LIMD1: variants seen among roughly 807,000 people sequenced by gnomAD.
LIMD1 encodes LIM domain-containing protein 1.
In LIMD1, 23 loss-of-function variants were observed where a neutral mutation model predicts 58.4. That is an observed-to-expected ratio of 0.39 (90% CI 0.28 to 0.56). The LOEUF is 0.56. Among genes scored for constraint, LIMD1 ranks in the 20% least tolerant of loss-of-function variants. The pLI is 0.57. For missense variants in LIMD1, 838 were observed against 855.5 expected (o/e 0.98, Z 0.25); for synonymous variants, 334 against 345.5 (o/e 0.97, Z 0.37).
intron 1 of LIMD1, among the ~76,000 whole-genome samples, chr3:45,635,732 CAAAAAAAAAAAAAA>C (rs71095045): frequency 2.6e-4 from 19 of 73,798 alleles, no homozygotes; most frequent in Non-Finnish European, 2.3e-4. Context: ...ATCCCCGTCT[CAAAAAAAAAAAAAA>C]AAAAAAAAAA....
chr3:45,651,721 C>T (rs949284224), intron 2 of LIMD1, among the ~76,000 whole-genome samples: 1 of 152,072 alleles, frequency 6.6e-6, no homozygotes, highest in Non-Finnish European at 1.5e-5. Context: ...CAACCTCCAC[C>T]TCCCGGGTTC....
chr3:45,599,583 C>T (rs143734859), intron 1 of LIMD1, among the ~76,000 whole-genome samples: 4 of 152,300 alleles, frequency 2.6e-5, no homozygotes, highest in South Asian at 2.1e-4. Context: ...CACTGCACAG[C>T]GTCTTGGCAG....
chr3:45,610,137 T>A (rs1701509591), intron 1 of LIMD1, among the ~76,000 whole-genome samples: 1 of 152,142 alleles, frequency 6.6e-6, no homozygotes, highest in Non-Finnish European at 1.5e-5. Flanking sequence ...TGAGCCGAGA[T>A]TGTGCCACTG....
intron 1 of LIMD1, among the ~76,000 whole-genome samples, chr3:45,600,659 C>T (rs1209678234): frequency 1.3e-5 from 2 of 152,206 alleles, no homozygotes; most frequent in African/African-American, 4.8e-5. Context: ...ACTGCTGACA[C>T]TGCAGAGGTG....
Position 45,594,769 on chromosome 3 carries a change from G to A in LIMD1, c.-111G>A, listed in dbSNP as rs551363577. 162 of 800,262 alleles carry A rather than the reference G, an allele frequency of 2.0e-4. No individual in the cohort carries two copies. In the African/African-American group the frequency reaches 3.3e-3, roughly 16 times the overall value. 49.6% of individuals were successfully genotyped at this position (800,262 alleles called of 1,614,324 possible). Reference sequence around the variant, plus strand: ...CCCGACCCTTCGCCAGCATCTCCCCGCTGCCCTCAACACACACACACACAC... The same window carrying A: ...CCCGACCCTTCGCCAGCATCTCCCCACTGCCCTCAACACACACACACACAC... On this transcript the variant is annotated 5_prime_UTR_variant, in exon 1 of 8. Coordinates refer to ENST00000273317, the MANE Select transcript of LIMD1 (RefSeq NM_014240.3).
intron 1 of LIMD1, among the ~76,000 whole-genome samples, chr3:45,600,159 A>T (rs1701397473): frequency 6.6e-6 from 1 of 152,168 alleles, no homozygotes; most frequent in Non-Finnish European, 1.5e-5. Context: ...CAAACAGAAG[A>T]ATGTTTAATG....
rs188214339 is a variant in LIMD1 at position 45,628,791 on chromosome 3, C to G, written c.1409-7359C>G. On this transcript the variant is annotated intron_variant, in intron 1 of 7. Coordinates refer to ENST00000273317, the MANE Select transcript of LIMD1 (RefSeq NM_014240.3). Reference sequence around the variant, plus strand: ...ATCAACAAGCAAATGGATAAACAAACTAATACATTCATATGGTGGAATACC... The same window carrying G: ...ATCAACAAGCAAATGGATAAACAAAGTAATACATTCATATGGTGGAATACC... Among the ~76,000 whole-genome samples the G allele has an allele frequency of 2.3e-3, 345 of 152,312 alleles. 1 individual carries two copies. Among genetic ancestry groups the G allele is most frequent in the African/African-American group, 8.0e-3 (331 of 41,556 alleles).
At chr3:45,632,911 A>G (rs372217933) in intron 1 of LIMD1, among the ~76,000 whole-genome samples, 3 of 152,338 alleles carry the variant, frequency 2.0e-5, no homozygotes, top group Admixed American at 6.5e-5. Flanking sequence ...AAGGAGCCTT[A>G]AAGATGAGTG....
At chr3:45,617,095 A>G (rs1575347314) in intron 1 of LIMD1, among the ~76,000 whole-genome samples, 1 of 142,900 alleles carries the variant, frequency 7.0e-6, no homozygotes, top group East Asian at 2.1e-4. Context: ...GTGCAGTGGC[A>G]CCATCTCAGC....
intron 1 of LIMD1, among the ~76,000 whole-genome samples, chr3:45,622,976 G>GT (rs1393000202): frequency 6.6e-6 from 1 of 152,078 alleles, no homozygotes; most frequent in Non-Finnish European, 1.5e-5. Flanking sequence ...CCTTTTAAAG[G>GT]TTTTTGATGC....
At chr3:45,607,986 C>G (rs1028561738) in intron 1 of LIMD1, among the ~76,000 whole-genome samples, 32 of 152,334 alleles carry the variant, frequency 2.1e-4, no homozygotes, top group Middle Eastern at 3.4e-3. Flanking sequence ...CCTCCTGCTA[C>G]CTCAGTTTGC....
chr3:45,607,985 A>T (rs1192020256), intron 1 of LIMD1, among the ~76,000 whole-genome samples: 1 of 152,186 alleles, frequency 6.6e-6, no homozygotes, highest in Non-Finnish European at 1.5e-5. Context: ...CCCTCCTGCT[A>T]CCTCAGTTTG....
intron 2 of LIMD1, among the ~76,000 whole-genome samples, chr3:45,647,199 T>C (rs1053462621): frequency 6.6e-6 from 1 of 152,222 alleles, no homozygotes; most frequent in Admixed American, 6.5e-5. Context: ...TATGCCCTGC[T>C]TTTTCCACTT....
At chr3:45,649,931 T>C (rs1426817367) in intron 2 of LIMD1, among the ~76,000 whole-genome samples, 3 of 150,278 alleles carry the variant, frequency 2.0e-5, no homozygotes, top group Admixed American at 1.3e-4. Flanking sequence ...GACATGTTTT[T>C]CCCCCATTCT....
At position 45,646,258 on chromosome 3, in the gene LIMD1, C is replaced by T. The variant is rs1429510922; in HGVS notation, c.1510+10007C>T. 5.3e-5 allele frequency among the ~76,000 whole-genome samples: 8 copies of T among 152,356 alleles called. No homozygotes were observed. In the South Asian group the frequency reaches 1.4e-3, roughly 28 times the overall value. On this transcript the variant is annotated intron_variant, in intron 2 of 7. Coordinates refer to ENST00000273317, the MANE Select transcript of LIMD1 (RefSeq NM_014240.3). ...CTGTGTATACACTTGCCACCATATC[C>T]ATGGCCTTCACCCCTCACTGTGCGT...
chr3:45,595,261 C>T lies in LIMD1; in HGVS notation c.382C>T (p.Pro128Ser). The T allele has an allele frequency of 6.2e-7, 1 of 1,611,320 alleles. No homozygotes were observed. Among genetic ancestry groups the T allele is most frequent in the East Asian group, 2.2e-5 (1 of 44,844 alleles). Reference protein sequence around the residue: ...TTLAAGQPPYPPQEQRSRPYL... With the variant: ...TTLAAGQPPYSPQEQRSRPYL... ...CCTCGCTGCTGGGCAGCCCCCGTAC[C>T]CACCGCAGGAGCAGAGATCCAGGCC... is the stretch of plus-strand genomic sequence containing the variant. The change falls in exon 1 of 8, where the codon CCA becomes TCA. Residue 128 changes from proline (P) to serine (S), a missense_variant. Physicochemically the swap from Pro to Ser is moderately conservative, Grantham distance 74 (BLOSUM62 -1). Coordinates refer to ENST00000273317, the MANE Select transcript of LIMD1 (RefSeq NM_014240.3).
In LIMD1 at chr3:45,672,676, G is replaced by A. The variant is rs1449956892; in HGVS notation, c.1642-14G>A. 2 of 1,613,094 alleles carry A rather than the reference G, an allele frequency of 1.2e-6. No individual in the cohort carries two copies. The highest frequency in any genetic ancestry group is 3.3e-5 in the Admixed American group (2 of 60,000). On this transcript the variant is annotated splice_polypyrimidine_tract_variant and intron_variant, in intron 4 of 7. Transcript: ENST00000273317. ...TTCCCTATAATCCCCACTGAGTCTT[G>A]GTCTCTGCTCCAGATCCTGCAAGCC... is the stretch of plus-strand genomic sequence containing the variant.
chr3:45,604,644 G>C (rs1243558046), intron 1 of LIMD1, among the ~76,000 whole-genome samples: 1 of 152,142 alleles, frequency 6.6e-6, no homozygotes, highest in East Asian at 1.9e-4. Context: ...TTTTCTCTGA[G>C]CCTGTTGAGG....
At chr3:45,610,175 C>G (rs946410014) in intron 1 of LIMD1, among the ~76,000 whole-genome samples, 7 of 152,170 alleles carry the variant, frequency 4.6e-5, no homozygotes, top group Admixed American at 4.6e-4. Context: ...CAGAGCAAGG[C>G]TCTGTCTCAA....
Sources: gnomAD v4.1 joint callset for allele counts (sites outside exome capture counted in the v4.1 genomes callset) on GRCh38, gnomAD v4.1.1 for gene constraint, MANE v1.5 for transcripts, NCBI Gene and HGNC (gene_info 2026-07-23, HGNC 2026-07-21) for gene names.